The following RMST variants were observed in gnomAD, a reference collection of about 807,000 sequenced individuals.
The protein encoded by RMST is long intergenic non-protein coding RNA 54.
chr12:97,467,399 A>G (rs1565915044), intron 5 of RMST, among the ~76,000 whole-genome samples: 1 of 152,018 alleles, frequency 6.6e-6, no homozygotes, highest in Non-Finnish European at 1.5e-5. Flanking sequence ...ATTTTTCTGT[A>G]CAAGTTACAC....
intron 5 of RMST, among the ~76,000 whole-genome samples, chr12:97,469,409 C>T (rs1255922032): frequency 2.6e-5 from 4 of 151,910 alleles, no homozygotes; most frequent in African/African-American, 9.7e-5. Context: ...TTTTATGCTT[C>T]CTTCCAATGC....
At position 97,499,773 on chromosome 12, in the gene RMST, C is replaced by T. The variant is rs150766119; in HGVS notation, n.1340+3717C>T. ...CTCCCAGGTTCAAGCAATTCTCCTTCCTCAGCCTCCCGAGTAGCTGGGATT... is the reference window on the plus strand; with the variant it reads ...CTCCCAGGTTCAAGCAATTCTCCTTTCTCAGCCTCCCGAGTAGCTGGGATT... On this transcript the variant is annotated intron_variant and non_coding_transcript_variant, in intron 10 of 13. Transcript: ENST00000640149. 8.1e-4 allele frequency among the ~76,000 whole-genome samples: 122 copies of T among 151,424 alleles called. 1 individual carries two copies. The highest frequency in any genetic ancestry group is 1.6e-4 in the Non-Finnish European group (11 of 67,988).
chr12:97,468,012 G>T (rs1422398477), intron 5 of RMST, among the ~76,000 whole-genome samples: 1 of 151,924 alleles, frequency 6.6e-6, no homozygotes, highest in South Asian at 2.1e-4. Flanking sequence ...GCATCATCTA[G>T]GAAATTTATT....
At chr12:97,528,948 C>G (rs1881382090) in intron 10 of RMST, among the ~76,000 whole-genome samples, 1 of 152,048 alleles carries the variant, frequency 6.6e-6, no homozygotes, top group South Asian at 2.1e-4. Flanking sequence ...CCACAACACA[C>G]TCTTGTCCTG....
intron 10 of RMST, among the ~76,000 whole-genome samples, chr12:97,497,983 C>G (rs919069372): frequency 1.3e-5 from 2 of 152,130 alleles, no homozygotes; most frequent in African/African-American, 4.8e-5. Context: ...ATCCATGGTT[C>G]AGGTCAAATA....
intron 11 of RMST, among the ~76,000 whole-genome samples, chr12:97,560,288 G>A (rs373964112): frequency 6.6e-6 from 1 of 152,116 alleles, no homozygotes; most frequent in East Asian, 1.9e-4. Flanking sequence ...AAAGCCCCTC[G>A]CTAAAGTGTC....
intron 5 of RMST, among the ~76,000 whole-genome samples, chr12:97,482,817 A>ATTATTTATTTATTAAATAAATTTAT (rs1565919328): frequency 6.3e-5 from 9 of 141,974 alleles, no homozygotes; most frequent in South Asian, 2.1e-4. Context: ...ATAAATTTAT[A>ATTATTTATTTATTAAATAAATTTAT]TTATTTATTT....
chr12:97,543,116 A>T (rs1405130383), intron 11 of RMST, among the ~76,000 whole-genome samples: 3 of 152,034 alleles, frequency 2.0e-5, no homozygotes, highest in Non-Finnish European at 2.9e-5. Context: ...ATTACATTTT[A>T]AAAAACCAGT....
At chr12:97,474,375 T>G (rs1874280143) in intron 5 of RMST, among the ~76,000 whole-genome samples, 1 of 152,036 alleles carries the variant, frequency 6.6e-6, no homozygotes, top group Non-Finnish European at 1.5e-5. Flanking sequence ...AATAAGGAAC[T>G]CCTCTCACTG....
chr12:97,471,403 G>A (rs1213292740), intron 5 of RMST, among the ~76,000 whole-genome samples: 1 of 152,132 alleles, frequency 6.6e-6, no homozygotes, highest in Non-Finnish European at 1.5e-5. Context: ...ATTCCTACCT[G>A]CTAGTGGAGA....
At chr12:97,544,858 C>T (rs1354599513) in intron 11 of RMST, among the ~76,000 whole-genome samples, 3 of 151,868 alleles carry the variant, frequency 2.0e-5, no homozygotes, top group Non-Finnish European at 2.9e-5. Context: ...GTATTTGTTA[C>T]CTAATATGAT....
intron 5 of RMST, among the ~76,000 whole-genome samples, chr12:97,472,090 G>A (rs981434698): frequency 1.3e-5 from 2 of 152,140 alleles, no homozygotes; most frequent in African/African-American, 2.4e-5. Context: ...GTGAAAGGCT[G>A]TAAGTGACGC....
intron 11 of RMST, among the ~76,000 whole-genome samples, chr12:97,559,507 T>G (rs570754512): frequency 7.3e-4 from 111 of 152,262 alleles, no homozygotes; most frequent in Non-Finnish European, 1.4e-3. Flanking sequence ...CCCCTCCCCT[T>G]GGCAAGGCAA....
chr12:97,518,799 G>A (rs913437468), intron 10 of RMST, among the ~76,000 whole-genome samples: 15 of 151,952 alleles, frequency 9.9e-5, no homozygotes, highest in Non-Finnish European at 1.6e-4. Context: ...AAAAGGTCTC[G>A]TTCTGTTTGT....
At chr12:97,507,871 C>T (rs1470828668) in intron 10 of RMST, among the ~76,000 whole-genome samples, 1 of 152,094 alleles carries the variant, frequency 6.6e-6, no homozygotes. Context: ...ACTTGGCAAG[C>T]CAGCTCACAT....
intron 10 of RMST, among the ~76,000 whole-genome samples, chr12:97,505,137 G>A (rs1878525807): frequency 6.6e-6 from 1 of 152,186 alleles, no homozygotes; most frequent in Admixed American, 6.5e-5. Context: ...TGTCTGACAT[G>A]CAAATTATTC....
At chr12:97,467,572 G>T (rs779010911) in intron 5 of RMST, among the ~76,000 whole-genome samples, 5 of 151,964 alleles carry the variant, frequency 3.3e-5, no homozygotes, top group Non-Finnish European at 5.9e-5. Context: ...TCTGGCATCT[G>T]ATTACATTAT....
Position 97,473,083 on chromosome 12 carries a change from A to G in RMST, n.644+7356A>G, listed in dbSNP as rs540148519. On this transcript the variant is annotated intron_variant and non_coding_transcript_variant, in intron 5 of 13. Transcript: ENST00000640149. The stretch of plus-strand genomic sequence containing the variant: ...AATCATACTTTAGTAGTGTGAAGGG[A>G]AAAGCTATTTCTGCACAGGTAGGAA... Among the ~76,000 whole-genome samples, 49 of 152,260 alleles carry G rather than the reference A, an allele frequency of 3.2e-4. 1 individual carries two copies. The highest frequency in any genetic ancestry group is 1.2e-3 in the African/African-American group (48 of 41,580).
chr12:97,519,630 A>G (rs1389170767), intron 10 of RMST, among the ~76,000 whole-genome samples: 4 of 152,234 alleles, frequency 2.6e-5, no homozygotes, highest in Admixed American at 6.5e-5. Context: ...AAAGTAGTTC[A>G]GCTTTCTTAA....
Sources: allele counts gnomAD v4.1 joint callset (sites outside exome capture counted in the v4.1 genomes callset), GRCh38; gene constraint gnomAD v4.1.1; transcripts MANE v1.5; gene names NCBI Gene and HGNC (gene_info 2026-07-23, HGNC 2026-07-21).